Variants in PCDH9 observed in about 807,000 individuals in gnomAD.
PCDH9 encodes protocadherin 9.
In PCDH9, 24 loss-of-function variants were observed where a neutral mutation model predicts 70.6. The observed-to-expected ratio is 0.34, with a 90% CI of 0.25 to 0.48. The LOEUF is 0.48. PCDH9 is among the 20% of genes least tolerant of loss of function. The probability of loss-of-function intolerance (pLI) is 0.99; values close to 1 mark genes in which losing one functional copy is unlikely to be tolerated. For missense variants in PCDH9, 1,281 were observed against 1,503.6 expected, an observed-to-expected ratio of 0.85 and a Z score of 2.45; for synonymous variants, 562 against 558.5, an observed-to-expected ratio of 1.01 and a Z score of -0.09.
At chr13:66,734,553 A>G (rs939972350) in intron 3 of PCDH9, among the ~76,000 whole-genome samples, 2 of 152,160 alleles carry the variant, frequency 1.3e-5, no homozygotes, top group Admixed American at 1.3e-4. Flanking sequence ...AGATTTTGCA[A>G]TTTGGCTAAC....
intron 2 of PCDH9, among the ~76,000 whole-genome samples, chr13:66,947,093 A>G (rs1489183415): frequency 6.6e-6 from 1 of 152,170 alleles, no homozygotes; most frequent in Non-Finnish European, 1.5e-5. Context: ...TGTCCTGCCA[A>G]CGAGCATCTC....
intron 4 of PCDH9, among the ~76,000 whole-genome samples, chr13:66,353,105 A>G (rs1056868762): frequency 2.6e-5 from 4 of 152,192 alleles, no homozygotes; most frequent in Admixed American, 2.0e-4. Flanking sequence ...TCAAGATTCA[A>G]TGAAATTCCT....
chr13:67,205,952 T>C (rs1206911234), intron 2 of PCDH9: 1 of 152,196 alleles, frequency 6.6e-6, no homozygotes, highest in East Asian at 1.9e-4. Context: ...TATGTACTTA[T>C]TTATGTTTTA....
At chr13:66,675,559 T>A (rs1472108185) in intron 3 of PCDH9, among the ~76,000 whole-genome samples, 1 of 152,078 alleles carries the variant, frequency 6.6e-6, no homozygotes, top group African/African-American at 2.4e-5. Flanking sequence ...CAGGATAAAA[T>A]CTTTCATTCA....
At position 66,526,507 on chromosome 13, in the gene PCDH9, ATCTCTC is replaced by A. The variant is rs67724900; in HGVS notation, c.3340+104697_3340+104702del. Among the ~76,000 whole-genome samples, 14 of 149,268 alleles carry A rather than the reference ATCTCTC, an allele frequency of 9.4e-5. 1 individual carries two copies. The highest frequency in any genetic ancestry group is 8.6e-4 in the South Asian group (4 of 4,640). On this transcript the variant is annotated intron_variant, in intron 4 of 4. Transcript: ENST00000377865. ...ATGTTTACTTATACAATGCTTTGAA[ATCTCTC>A]TCTCTCTCTCTCTCTCTCTGTCTCT...
At chr13:66,815,101 T>G (rs1454096454) in intron 3 of PCDH9, among the ~76,000 whole-genome samples, 1 of 151,984 alleles carries the variant, frequency 6.6e-6, no homozygotes, top group African/African-American at 2.4e-5. Context: ...CATTCAAAAG[T>G]GGGCAAAGGA....
intron 2 of PCDH9, among the ~76,000 whole-genome samples, chr13:66,936,286 T>C (rs894057481): frequency 6.6e-6 from 1 of 152,226 alleles, no homozygotes; most frequent in Non-Finnish European, 1.5e-5. Context: ...TCTATACTTT[T>C]CAGTTGTAAC....
chr13:67,197,720 A>G (rs2089106199), intron 2 of PCDH9, among the ~76,000 whole-genome samples: 1 of 151,948 alleles, frequency 6.6e-6, no homozygotes, highest in Admixed American at 6.6e-5. Flanking sequence ...CAGCAAATAT[A>G]TTTCTGTTAT....
At chr13:66,476,201 C>A (rs976229226) in intron 4 of PCDH9, among the ~76,000 whole-genome samples, 1 of 151,970 alleles carries the variant, frequency 6.6e-6, no homozygotes, top group African/African-American at 2.4e-5. Context: ...TTCAAGTTTT[C>A]CTGATGTATC....
At chr13:66,602,677 G>A (rs1460546121) in intron 4 of PCDH9, among the ~76,000 whole-genome samples, 2 of 145,406 alleles carry the variant, frequency 1.4e-5, no homozygotes, top group South Asian at 4.5e-4. Flanking sequence ...ATTTAAATAA[G>A]TTCAGTGCGG....
chr13:66,710,907 T>C (rs2078784499), intron 3 of PCDH9, among the ~76,000 whole-genome samples: 1 of 152,186 alleles, frequency 6.6e-6, no homozygotes, highest in Non-Finnish European at 1.5e-5. Context: ...CTTCCACTTT[T>C]AAGGCCCTCC....
chr13:66,354,267 A>C (rs1956343002), intron 4 of PCDH9, among the ~76,000 whole-genome samples: 1 of 152,158 alleles, frequency 6.6e-6, no homozygotes, highest in Non-Finnish European at 1.5e-5. Context: ...ATTTAAAGAG[A>C]GATATTCTTT....
In PCDH9 at chr13:66,730,876, G is replaced by GTGTTTT. The variant is rs1555262846; in HGVS notation, c.3139-99466_3139-99465insAAAACA. On this transcript the variant is annotated intron_variant, in intron 3 of 4. Transcript: ENST00000377865. Reference sequence around the variant, plus strand: ...TGTTTTTGTTTTTTTGTGTGTGTGTGTTTTTTTTTTGTTTGTTTCTTTTTT... The same window carrying GTGTTTT: ...TGTTTTTGTTTTTTTGTGTGTGTGTGTGTTTTTTTTTTTTTTGTTTGTTTCTTTTTT... Among the ~76,000 whole-genome samples the GTGTTTT allele has an allele frequency of 8.3e-3, 383 of 46,304 alleles. 5 individuals carry two copies. Among genetic ancestry groups the GTGTTTT allele is most frequent in the Middle Eastern group, 0.017 (1 of 58 alleles). 30.4% of individuals were successfully genotyped at this position (46,304 alleles called of 152,430 possible).
chr13:66,468,816 G>C (rs1566349364), intron 4 of PCDH9, among the ~76,000 whole-genome samples: 1 of 152,028 alleles, frequency 6.6e-6, no homozygotes, highest in East Asian at 1.9e-4. Context: ...TTTTTATAGA[G>C]AAACTTCCTA....
At chr13:66,437,911 T>G (rs1182480183) in intron 4 of PCDH9, among the ~76,000 whole-genome samples, 1 of 152,050 alleles carries the variant, frequency 6.6e-6, no homozygotes, top group Non-Finnish European at 1.5e-5. Context: ...GTGATCTGGG[T>G]GCTGTTTCTA....
chr13:66,731,548 CA>C lies in PCDH9; in HGVS notation c.3139-100138del, dbSNP rs138893555. Among the ~76,000 whole-genome samples, 1,312 of 152,134 alleles carry C rather than the reference CA, an allele frequency of 8.6e-3. 18 individuals are homozygous for C. The highest frequency in any genetic ancestry group is 0.03 in the African/African-American group (1,231 of 41,534). ...AATTATCTATATGGTATTAAGTTTA[CA>C]AATATGTTTCCCAAGCAAGAGCATG... On this transcript the variant is annotated intron_variant, in intron 3 of 4. Coordinates refer to ENST00000377865, the MANE Select transcript of PCDH9 (RefSeq NM_203487.3).
chr13:66,842,939 C>T (rs1403041209), intron 3 of PCDH9, among the ~76,000 whole-genome samples: 1 of 152,142 alleles, frequency 6.6e-6, no homozygotes, highest in Non-Finnish European at 1.5e-5. Context: ...TCTATGGAAA[C>T]CACGAAAGAA....
At chr13:67,092,966 A>G (rs1594501182) in intron 2 of PCDH9, among the ~76,000 whole-genome samples, 1 of 152,096 alleles carries the variant, frequency 6.6e-6, no homozygotes, top group Admixed American at 6.5e-5. Flanking sequence ...AGGGGGAAAA[A>G]AAAACTATAG....
intron 4 of PCDH9, among the ~76,000 whole-genome samples, chr13:66,606,469 T>C (rs138593421): frequency 8.6e-4 from 131 of 152,178 alleles, no homozygotes; most frequent in African/African-American, 3.0e-3. Context: ...ATTTTTGGAG[T>C]AAACCTGTAT....
Sources: allele counts gnomAD v4.1 joint callset (sites outside exome capture counted in the v4.1 genomes callset), GRCh38; gene constraint gnomAD v4.1.1; transcripts MANE v1.5; gene names NCBI Gene and HGNC (gene_info 2026-07-23, HGNC 2026-07-21).